Variants in RANGAP1 observed in about 807,000 individuals in gnomAD.
The protein encoded by RANGAP1 is Ran GTPase activating protein 1.
In RANGAP1, 38 loss-of-function variants were observed where a neutral mutation model predicts 63.5. The observed-to-expected ratio is 0.60, with a 90% confidence interval of 0.46 to 0.78. The LOEUF (loss-of-function observed/expected upper bound fraction) is 0.78, where lower values mean the gene tolerates loss of function less well. Ranked by LOEUF, RANGAP1 falls within the 30% of genes least tolerant of loss-of-function variation. The pLI is 0.00. For synonymous variants in RANGAP1, 329 were observed against 310.5 expected (o/e 1.06, Z -0.63); for missense variants, 630 against 740.3 (o/e 0.85, Z 1.73).
chr22:41,292,596 T>TA, the RANGAP1 span, among the ~76,000 whole-genome samples: 1 of 151,382 alleles, frequency 6.6e-6, no homozygotes, highest in Non-Finnish European at 1.5e-5. Context: ...CCGTCTCTAC[T>TA]AAAAATACAA....
intron 10 of RANGAP1, 98 bp from the exon 11 acceptor site, chr22:41,254,592 G>C: frequency 1.3e-6 from 2 of 1,488,014 alleles, no homozygotes; most frequent in Admixed American, 2.4e-5. Flanking sequence ...ACCTCAGCCA[G>C]GAGGGAGAGA....
rs1601570063 is a variant in RANGAP1, at chr22:41,246,015, C to G, written c.*588G>C. The G allele has an allele frequency of 1.3e-5, 2 of 153,756 alleles. No homozygotes were observed. The highest frequency in any genetic ancestry group is 1.3e-4 in the Admixed American group (2 of 15,424). 9.5% of individuals were successfully genotyped at this position (153,756 alleles called of 1,614,324 possible). A position where few individuals can be genotyped will look rare whatever the true frequency, so the allele number is the denominator to read the frequency against. On this transcript the variant is annotated 3_prime_UTR_variant, in exon 16 of 16. Transcript: ENST00000356244. Reference sequence around the variant, plus strand: ...CCCAGGGTTGCCCTCTGCCAACAACCCCACGATCCGACCCCCACAGTCCCA... The same window carrying G: ...CCCAGGGTTGCCCTCTGCCAACAACGCCACGATCCGACCCCCACAGTCCCA...
At chr22:41,249,646 G>A in intron 14 of RANGAP1, 83 bp downstream of exon 14, 2 of 1,543,754 alleles carry the variant, frequency 1.3e-6, no homozygotes, top group East Asian at 4.5e-5. Flanking sequence ...CGAGGTGAGG[G>A]AGGTTGGCGG....
chr22:41,258,173 C>T lies in RANGAP1; in HGVS notation c.616-67G>A, dbSNP rs990185048. 4 of 1,509,780 alleles carry T rather than the reference C, an allele frequency of 2.6e-6. No individual in the cohort carries two copies. In the African/African-American group the frequency reaches 5.5e-5, roughly 21 times the overall value. The allele number at this position is 1,509,780 out of a possible 1,614,324, so 93.5% of individuals were successfully genotyped here. ...AGGTGACATCCAGCAGGCAGGAGAG[C>T]AATTCCACACAGCAGGCACAGGAAT... is the stretch of plus-strand genomic sequence containing the variant. On this transcript the variant is annotated intron_variant, in intron 6 of 15. Transcript: ENST00000356244.
intron 3 of RANGAP1, among the ~76,000 whole-genome samples, chr22:41,269,428 T>C (rs1238331495): frequency 6.6e-6 from 1 of 152,054 alleles, no homozygotes; most frequent in Non-Finnish European, 1.5e-5. Flanking sequence ...ATTAATCTAT[T>C]ATATATTTCA....
chr22:41,279,757 G>A (rs1351172537), intron 2 of RANGAP1, among the ~76,000 whole-genome samples: 4 of 147,624 alleles, frequency 2.7e-5, no homozygotes, highest in Non-Finnish European at 3.0e-5. Context: ...AGCCAACATC[G>A]CACCACTACA....
intron 13 of RANGAP1, 39 bp downstream of exon 13, chr22:41,250,968 G>C: frequency 3.9e-6 from 6 of 1,551,166 alleles, no homozygotes; most frequent in Non-Finnish European, 4.4e-6. Context: ...CGAGCATCAA[G>C]GGACAGAGGG....
intron 1 of RANGAP1, among the ~76,000 whole-genome samples, chr22:41,283,337 C>T (rs929798669): frequency 5.9e-5 from 9 of 151,918 alleles, no homozygotes; most frequent in African/African-American, 1.7e-4. Flanking sequence ...GGTGAAACCC[C>T]GTCTCTACTA....
Position 41,246,638 on chromosome 22 carries a change from G to A in RANGAP1, c.1729C>T (p.Arg577Cys), listed in dbSNP as rs201423590. The change falls in exon 16 of 16, where the codon CGC (arginine) becomes TGC (cysteine). Residue 577 changes from arginine (R) to cysteine (C), a missense_variant. Arg to Cys is a radical substitution (Grantham distance 180). Around this residue, in one of 3 missense-constraint regions of RANGAP1, gnomAD observed 428 missense variants for 465.5 expected, o/e 0.92. Transcript: ENST00000356244. Reference protein sequence around the residue: ...NSALESCSFARHSLLQTLYKV With the variant: ...NSALESCSFACHSLLQTLYKV ...TACAGCGTCTGCAGCAGACTGTGGC[G>A]GGCGAAGGAGCAGGATTCCAGGGCG... is the stretch of plus-strand genomic sequence containing the variant. 59 of 1,564,702 alleles carry A rather than the reference G, an allele frequency of 3.8e-5. No homozygotes were observed. In the African/African-American group the frequency reaches 5.4e-4, roughly 14 times the overall value.
In RANGAP1 at chr22:41,254,377, C is replaced by CTCT. The variant is rs750303765; in HGVS notation, c.1188_1190dup (p.Glu397dup). ...TCTCTCCCTGCCCTCGCTGCTGAGG[C>CTCT]TCTTCTTCCTCCTCCTCCTCCTCTT... On this transcript the variant is annotated inframe_insertion, in exon 11 of 16. Transcript: ENST00000356244. 6.2e-7 allele frequency: 1 copy of CTCT among 1,613,856 alleles called. No homozygotes were observed. The highest frequency in any genetic ancestry group is 1.3e-5 in the African/African-American group (1 of 74,892).
intron 12 of RANGAP1, among the ~76,000 whole-genome samples, chr22:41,252,560 C>G (rs138807630): frequency 6.6e-6 from 1 of 152,110 alleles, no homozygotes; most frequent in Admixed American, 6.6e-5. Context: ...GCTGGGCTGA[C>G]GGAACACGCA....
chr22:41,281,035 C>T lies in RANGAP1; in HGVS notation c.10G>A (p.Glu4Lys), dbSNP rs772069616. 2.5e-6 allele frequency: 4 copies of T among 1,603,296 alleles called. No individual in the cohort carries two copies. The Admixed American group carries it at 6.8e-5, about 27-fold the overall frequency. The change falls in exon 2 of 16, where the codon GAA becomes AAA. Residue 4 changes from glutamate to lysine, a missense_variant. Transcript: ENST00000356244. MAS[E>K]DIAKLAETLA... is the part of the protein sequence containing the mutation. Reference sequence around the variant, plus strand: ...GTCTCTGCCAGCTTGGCAATGTCTTCCGAGGCCATGTTGACTAGGCTGGTG... The same window carrying T: ...GTCTCTGCCAGCTTGGCAATGTCTTTCGAGGCCATGTTGACTAGGCTGGTG...
intron 1 of RANGAP1, among the ~76,000 whole-genome samples, chr22:41,284,539 C>T (rs1601731335): frequency 6.7e-6 from 1 of 150,298 alleles, no homozygotes; most frequent in East Asian, 2.0e-4. Flanking sequence ...TGCACTCCAA[C>T]GTGGGCAACA....
intron 12 of RANGAP1, 36 bp from the exon 13 acceptor site, chr22:41,251,145 C>T (rs780466852): frequency 5.4e-5 from 84 of 1,566,308 alleles, no homozygotes; most frequent in Non-Finnish European, 6.2e-5. Flanking sequence ...GCCTGTGGCA[C>T]GTGGTGGAGA....
intron 15 of RANGAP1, among the ~76,000 whole-genome samples, chr22:41,246,907 A>G (rs2033075829): frequency 6.6e-6 from 1 of 152,216 alleles, no homozygotes; most frequent in Non-Finnish European, 1.5e-5. Context: ...AGGCCCCCTC[A>G]GCCAGGCTCT....
At chr22:41,249,271 G>A in intron 15 of RANGAP1, 59 bp downstream of exon 15, 1 of 1,531,512 alleles carries the variant, frequency 6.5e-7, no homozygotes, top group Non-Finnish European at 8.8e-7. Context: ...GGCGCCTTCA[G>A]ACCTGGCCAG....
intron 7 of RANGAP1, 84 bp from the exon 8 acceptor site, chr22:41,256,908 C>T: frequency 1.0e-6 from 1 of 967,054 alleles, no homozygotes; most frequent in East Asian, 2.6e-5. Context: ...CACACGGTCA[C>T]ATCCCAAGCC....
In RANGAP1 at chr22:41,256,030, G is replaced by A. The variant is rs764024820; in HGVS notation, c.1064C>T (p.Ala355Val). Reference protein sequence around the residue: ...LEGFNMAKVLASLSDDEDEEE... With the variant: ...LEGFNMAKVLVSLSDDEDEEE... Reference sequence around the variant, plus strand: ...ACCCCGAGTTCCCTACCTGAGGGACGCCAGCACCTTGGCCATGTTGAAGCC... The same window carrying A: ...ACCCCGAGTTCCCTACCTGAGGGACACCAGCACCTTGGCCATGTTGAAGCC... The change falls in exon 10 of 16, where the codon GCG becomes GTG. Residue 355 changes from alanine (A) to valine (V), a missense_variant. Physicochemically the swap from Ala to Val is moderately conservative, Grantham distance 64. This residue lies in a region of RANGAP1 where 428 missense variants were observed against 465.5 expected (regional missense o/e 0.92). Transcript: ENST00000356244. The A allele has an allele frequency of 1.7e-5, 28 of 1,613,310 alleles. No homozygotes were observed. The highest frequency in any genetic ancestry group is 2.7e-5 in the African/African-American group (2 of 74,904).
intron 4 of RANGAP1, among the ~76,000 whole-genome samples, chr22:41,265,804 C>T (rs1028266337): frequency 6.6e-6 from 1 of 152,156 alleles, no homozygotes; most frequent in African/African-American, 2.4e-5. Context: ...ACTTTCTGCC[C>T]TCACCCTGGC....
Sources: allele counts gnomAD v4.1 joint callset (sites outside exome capture counted in the v4.1 genomes callset), GRCh38; gene constraint gnomAD v4.1.1; regional missense constraint gnomAD v4.1.1; transcripts MANE v1.5; gene names NCBI Gene and HGNC (gene_info 2026-07-23, HGNC 2026-07-21).